CNTN4: variants seen among roughly 807,000 people sequenced by gnomAD.
The protein encoded by CNTN4 is contactin-4.
Under a neutral mutation model 122.5 loss-of-function variants are expected in CNTN4, and 77 were observed. The observed-to-expected ratio is 0.63, with a 90% CI of 0.52 to 0.76. CNTN4 has a LOEUF of 0.76. Among genes scored for constraint, CNTN4 ranks in the 30% least tolerant of loss-of-function variants. CNTN4 has a pLI of 0.00. For missense variants in CNTN4, 1,256 were observed against 1,259.1 expected (o/e 1.00, Z 0.04); for synonymous variants, 512 against 447.0 (o/e 1.15, Z -1.83).
intron 2 of CNTN4, among the ~76,000 whole-genome samples, chr3:2,175,554 G>A (rs1198373764): frequency 3.9e-5 from 6 of 152,210 alleles, no homozygotes; most frequent in African/African-American, 7.2e-5. Context: ...TTAAGAATAC[G>A]GGGAAAGGTT....
chr3:2,741,106 A>G (rs1422550386), intron 5 of CNTN4, among the ~76,000 whole-genome samples: 4 of 152,242 alleles, frequency 2.6e-5, no homozygotes, highest in African/African-American at 9.6e-5. Flanking sequence ...AAACCACTCT[A>G]TTAAGCAGCT....
At chr3:2,178,644 C>G (rs34214476) in intron 2 of CNTN4, among the ~76,000 whole-genome samples, 1 of 152,026 alleles carries the variant, frequency 6.6e-6, no homozygotes, top group Non-Finnish European at 1.5e-5. Flanking sequence ...TAATGCAGTT[C>G]TAGACTGGAA....
intron 3 of CNTN4, among the ~76,000 whole-genome samples, chr3:2,569,951 A>C (rs1052648362): frequency 1.4e-4 from 21 of 152,200 alleles, no homozygotes; most frequent in Admixed American, 6.5e-4. Flanking sequence ...TAGAGGATAG[A>C]GACTGTGCCT....
chr3:2,347,904 A>G (rs1172317681), intron 3 of CNTN4, among the ~76,000 whole-genome samples: 5 of 150,586 alleles, frequency 3.3e-5, no homozygotes, highest in Non-Finnish European at 7.4e-5. Context: ...GTTCCTTTTT[A>G]TTTGTAATTC....
intron 23 of CNTN4, among the ~76,000 whole-genome samples, chr3:3,044,806 C>T (rs577934365): frequency 2.6e-4 from 39 of 152,312 alleles, no homozygotes; most frequent in African/African-American, 6.0e-4. Flanking sequence ...TGAAGCAGGG[C>T]GAGGCATCGC....
At chr3:2,357,711 G>A (rs113760402) in intron 3 of CNTN4, among the ~76,000 whole-genome samples, 299 of 152,296 alleles carry the variant, frequency 2.0e-3, no homozygotes, top group African/African-American at 5.2e-3. Flanking sequence ...TTTCCAGTGA[G>A]CAGTCTGTGT....
At chr3:2,482,575 A>T (rs2076036238) in intron 3 of CNTN4, among the ~76,000 whole-genome samples, 1 of 152,196 alleles carries the variant, frequency 6.6e-6, no homozygotes, top group Non-Finnish European at 1.5e-5. Context: ...CCCTCCCATG[A>T]CAGGCCCAGA....
chr3:2,144,984 C>T (rs1322496264), intron 2 of CNTN4, among the ~76,000 whole-genome samples: 2 of 152,168 alleles, frequency 1.3e-5, no homozygotes, highest in Non-Finnish European at 2.9e-5. Context: ...TTTCGCTCCC[C>T]TAGGAAAGCA....
intron 3 of CNTN4, among the ~76,000 whole-genome samples, chr3:2,345,774 A>G (rs370069058): frequency 6.6e-6 from 1 of 152,146 alleles, no homozygotes; most frequent in South Asian, 2.1e-4. Context: ...CCGCACCACA[A>G]CTAATTTATT....
rs1396558198 is a variant in CNTN4 at position 3,042,961 on chromosome 3, CTGTT to C, written c.2512-14_2512-11del. The C allele has an allele frequency of 1.2e-6, 2 of 1,607,342 alleles. No homozygotes were observed. The highest frequency in any genetic ancestry group is 2.7e-5 in the African/African-American group (2 of 74,762). On this transcript the variant is annotated splice_polypyrimidine_tract_variant and intron_variant, in intron 21 of 24. Coordinates refer to ENST00000418658, the MANE Select transcript of CNTN4 (RefSeq NM_175607.3). The stretch of plus-strand genomic sequence containing the variant: ...ATTGGGTATGGTTTCCAAGGTCTTT[CTGTT>C]TATCTTCTTAGGTTAAATATTGGAG...
At chr3:2,340,712 G>GT (rs2044172742) in intron 3 of CNTN4, among the ~76,000 whole-genome samples, 1 of 59,382 alleles carries the variant, frequency 1.7e-5, no homozygotes, top group African/African-American at 5.7e-5. Flanking sequence ...TATATATATA[G>GT]AGAGAGAGAG....
At chr3:2,747,103 AAAT>A (rs1164460148) in intron 6 of CNTN4, among the ~76,000 whole-genome samples, 4 of 151,640 alleles carry the variant, frequency 2.6e-5, no homozygotes, top group Admixed American at 6.6e-5. Flanking sequence ...AAAAAAAAAA[AAAT>A]GGAGATGGAA....
intron 3 of CNTN4, among the ~76,000 whole-genome samples, chr3:2,533,486 G>T (rs574344464): frequency 1.0e-5 from 1 of 95,816 alleles, no homozygotes; most frequent in African/African-American, 3.7e-5. Context: ...TGGCTGCATA[G>T]TATTCCATAG....
chr3:2,343,515 C>T (rs1305841921), intron 3 of CNTN4, among the ~76,000 whole-genome samples: 1 of 152,200 alleles, frequency 6.6e-6, no homozygotes, highest in Non-Finnish European at 1.5e-5. Flanking sequence ...CCTTCATTTA[C>T]ATAGTGTAAC....
intron 23 of CNTN4, among the ~76,000 whole-genome samples, chr3:3,051,741 A>G (rs1367562961): frequency 3.3e-5 from 5 of 152,230 alleles, no homozygotes; most frequent in African/African-American, 1.2e-4. Flanking sequence ...AGAGAGATAT[A>G]AATTAAGGTG....
chr3:2,144,840 T>C (rs755128465), intron 2 of CNTN4, among the ~76,000 whole-genome samples: 2 of 152,206 alleles, frequency 1.3e-5, no homozygotes, highest in Non-Finnish European at 1.5e-5. Flanking sequence ...CCAGAATTTC[T>C]CAGGAGGGAT....
intron 3 of CNTN4, among the ~76,000 whole-genome samples, chr3:2,411,359 A>C (rs912945796): frequency 6.6e-6 from 1 of 152,200 alleles, no homozygotes; most frequent in African/African-American, 2.4e-5. Flanking sequence ...AGAAAAACTG[A>C]TATGCATGAT....
At chr3:2,591,239 T>C (rs2080456807) in intron 4 of CNTN4, among the ~76,000 whole-genome samples, 1 of 152,144 alleles carries the variant, frequency 6.6e-6, no homozygotes, top group South Asian at 2.1e-4. Flanking sequence ...AATTTTTGAA[T>C]ATATGAATAA....
chr3:2,381,646 G>C (rs1204369646), intron 3 of CNTN4, among the ~76,000 whole-genome samples: 1 of 152,100 alleles, frequency 6.6e-6, no homozygotes, highest in Non-Finnish European at 1.5e-5. Context: ...AATATTTGAA[G>C]ACTTTCAAAC....
Sources: gnomAD v4.1 joint callset for allele counts (sites outside exome capture counted in the v4.1 genomes callset) on GRCh38, gnomAD v4.1.1 for gene constraint, MANE v1.5 for transcripts, NCBI Gene and HGNC (gene_info 2026-07-23, HGNC 2026-07-21) for gene names.